B3GALT1: variants seen among roughly 807,000 people sequenced by gnomAD.
B3GALT1 encodes beta-1,3-galactosyltransferase 1, also known as UDP-Gal:betaGlcNAc beta 1,3-galactosyltransferase, polypeptide 1.
Under a neutral mutation model 23.2 loss-of-function variants are expected in B3GALT1, and 10 were observed. The observed-to-expected ratio is 0.43, with a 90% confidence interval of 0.27 to 0.73. B3GALT1 has a LOEUF of 0.73. Ranked by LOEUF, B3GALT1 falls within the 30% of genes least tolerant of loss-of-function variation. The pLI, the probability that B3GALT1 is intolerant of heterozygous loss-of-function variation, is 0.21. For synonymous variants in B3GALT1, 156 were observed against 141.5 expected (o/e 1.10, Z -0.73); for missense variants, 299 against 405.4 (o/e 0.74, Z 2.25).
rs147735818 is a variant in B3GALT1, at chr2:167,775,681, T to TACACAC, written c.-351-42977_-351-42972dup. On this transcript the variant is annotated intron_variant, in intron 3 of 4. Coordinates refer to ENST00000392690, the MANE Select transcript of B3GALT1 (RefSeq NM_020981.4). ...TAACTCCAATTTATTTTTGAAAGTA[T>TACACAC]ACACACACACACACACACAAACTTA... Among the ~76,000 whole-genome samples the TACACAC allele has an allele frequency of 3.8e-3, 578 of 150,370 alleles. 22 individuals carry two copies. The East Asian group carries it at 0.074, about 19-fold the overall frequency.
chr2:167,583,827 G>C (rs1684534012), intron 2 of B3GALT1, among the ~76,000 whole-genome samples: 1 of 152,102 alleles, frequency 6.6e-6, no homozygotes, highest in Admixed American at 6.6e-5. Flanking sequence ...ATGAAATTCT[G>C]CTTAAATTTT....
intron 2 of B3GALT1, among the ~76,000 whole-genome samples, chr2:167,602,446 T>C (rs545172679): frequency 6.6e-6 from 1 of 152,268 alleles, no homozygotes; most frequent in South Asian, 2.1e-4. Context: ...TGAGATTCTA[T>C]TTTCAAATGA....
chr2:167,442,995 T>A (rs187701747), intron 1 of B3GALT1, among the ~76,000 whole-genome samples: 2,591 of 151,810 alleles, frequency 0.017, 80 homozygotes, highest in African/African-American at 0.06. Flanking sequence ...CTTCTAGGGT[T>A]TTTATGGTTT....
At chr2:167,521,943 A>C (rs1558891528) in intron 2 of B3GALT1, among the ~76,000 whole-genome samples, 2 of 138,636 alleles carry the variant, frequency 1.4e-5, no homozygotes, top group African/African-American at 5.0e-5. Context: ...TTATAAATTA[A>C]TGAAAATAGA....
chr2:167,487,331 C>A (rs1361766560), intron 1 of B3GALT1, among the ~76,000 whole-genome samples: 1 of 152,130 alleles, frequency 6.6e-6, no homozygotes, highest in Non-Finnish European at 1.5e-5. Flanking sequence ...ATTCAACATC[C>A]TTTATGGCCT....
intron 1 of B3GALT1, among the ~76,000 whole-genome samples, chr2:167,469,822 T>C (rs1352623381): frequency 6.6e-6 from 1 of 152,178 alleles, no homozygotes; most frequent in Admixed American, 6.6e-5. Flanking sequence ...TACAAAATCA[T>C]GACAGATAAG....
intron 2 of B3GALT1, among the ~76,000 whole-genome samples, chr2:167,531,795 C>A (rs1683330559): frequency 6.6e-6 from 1 of 152,052 alleles, no homozygotes; most frequent in Admixed American, 6.6e-5. Context: ...TTGCAAACAT[C>A]TAATTTCAAT....
At chr2:167,774,487 T>TTG (rs1461714628) in intron 3 of B3GALT1, among the ~76,000 whole-genome samples, 6 of 86,296 alleles carry the variant, frequency 7.0e-5, no homozygotes, top group African/African-American at 2.3e-4. Flanking sequence ...TTTTTTTTGT[T>TTG]TTTTTTTTTG....
chr2:167,446,391 C>T (rs910804489), intron 1 of B3GALT1, among the ~76,000 whole-genome samples: 1 of 152,078 alleles, frequency 6.6e-6, no homozygotes, highest in African/African-American at 2.4e-5. Flanking sequence ...TCTGTATTTC[C>T]TGAATTTGAA....
chr2:167,826,676 T>C (rs746137911), intron 4 of B3GALT1, among the ~76,000 whole-genome samples: 1 of 152,182 alleles, frequency 6.6e-6, no homozygotes, highest in Non-Finnish European at 1.5e-5. Flanking sequence ...ATCAGCCCAC[T>C]GTATCCACAG....
intron 1 of B3GALT1, among the ~76,000 whole-genome samples, chr2:167,442,653 G>A (rs1431677370): frequency 2.0e-5 from 3 of 150,822 alleles, no homozygotes; most frequent in South Asian, 2.1e-4. Flanking sequence ...TTTTTCATGT[G>A]TTTTTTGGCT....
At chr2:167,767,060 C>T (rs1288201589) in intron 3 of B3GALT1, among the ~76,000 whole-genome samples, 2 of 152,144 alleles carry the variant, frequency 1.3e-5, no homozygotes, top group Admixed American at 1.3e-4. Flanking sequence ...GGATCTTGAT[C>T]CCATTTATTA....
chr2:167,366,770 ATGTC>A (rs762315035), intron 1 of B3GALT1, among the ~76,000 whole-genome samples: 26 of 152,154 alleles, frequency 1.7e-4, no homozygotes, highest in Non-Finnish European at 3.5e-4. Flanking sequence ...ACACATGTGT[ATGTC>A]TGGCAAGTTG....
At chr2:167,519,911 A>G (rs527835927) in intron 2 of B3GALT1, among the ~76,000 whole-genome samples, 2 of 152,174 alleles carry the variant, frequency 1.3e-5, no homozygotes, top group Admixed American at 1.3e-4. Flanking sequence ...ATCTCTACCA[A>G]AAATACAAAA....
At chr2:167,711,829 G>A (rs1269214239) in intron 3 of B3GALT1, among the ~76,000 whole-genome samples, 1 of 152,098 alleles carries the variant, frequency 6.6e-6, no homozygotes, top group East Asian at 1.9e-4. Context: ...TTAGCTGGGT[G>A]TGGTGGCTCA....
intron 4 of B3GALT1, among the ~76,000 whole-genome samples, chr2:167,823,593 C>G (rs1401825408): frequency 6.6e-6 from 1 of 152,160 alleles, no homozygotes; most frequent in Non-Finnish European, 1.5e-5. Flanking sequence ...TTAAAATATG[C>G]CCTGGTTCAT....
chr2:167,504,366 A>G (rs1699889099), intron 2 of B3GALT1, among the ~76,000 whole-genome samples: 1 of 152,190 alleles, frequency 6.6e-6, no homozygotes, highest in African/African-American at 2.4e-5. Flanking sequence ...AGTGTATGCA[A>G]TTATATGTCA....
chr2:167,583,071 A>G (rs1036694148), intron 2 of B3GALT1, among the ~76,000 whole-genome samples: 1 of 152,190 alleles, frequency 6.6e-6, no homozygotes, highest in African/African-American at 2.4e-5. Flanking sequence ...CTCAAGGCCC[A>G]TGAGGGAGAG....
At chr2:167,408,969 G>C (rs867382469) in intron 1 of B3GALT1, among the ~76,000 whole-genome samples, 1 of 152,232 alleles carries the variant, frequency 6.6e-6, no homozygotes, top group South Asian at 2.1e-4. Flanking sequence ...CAGATTCAGT[G>C]CATTCTCTAT....
Sources: allele counts gnomAD v4.1 joint callset (sites outside exome capture counted in the v4.1 genomes callset), GRCh38; gene constraint gnomAD v4.1.1; transcripts MANE v1.5; gene names NCBI Gene and HGNC (gene_info 2026-07-23, HGNC 2026-07-21).